The following HMGCL variants were observed in gnomAD, a reference collection of about 807,000 sequenced individuals.
HMGCL encodes hydroxymethylglutaryl-CoA lyase, mitochondrial.
In HMGCL, 26 loss-of-function variants were observed where a neutral mutation model predicts 37.3. The observed-to-expected ratio is 0.70, with a 90% CI of 0.51 to 0.97. HMGCL has a LOEUF of 0.97. HMGCL is among the 50% of genes least tolerant of loss of function. The pLI is 0.00. For missense variants in HMGCL, 379 were observed against 398.1 expected, an observed-to-expected ratio of 0.95 and a Z score of 0.41; for synonymous variants, 151 against 148.0, an observed-to-expected ratio of 1.02 and a Z score of -0.15.
intron 4 of HMGCL, among the ~76,000 whole-genome samples, chr1:23,815,822 G>A (rs951393036): frequency 3.8e-4 from 57 of 151,400 alleles, no homozygotes; most frequent in African/African-American, 1.4e-3. Flanking sequence ...GTAGCACTAG[G>A]AAACAAACAC....
Position 23,802,278 on chromosome 1 carries a change from G to A in HMGCL, c.*185C>T. On this transcript the variant is annotated 3_prime_UTR_variant, in exon 9 of 9. Transcript: ENST00000374490. ...CTCACTCCTCAGGTCTGGGCAGGAG[G>A]TCCTTCTGCCAAGCAGCTCCTCCTG... The A allele has an allele frequency of 1.6e-6, 1 of 630,680 alleles. No individual in the cohort carries two copies. The highest frequency in any genetic ancestry group is 2.5e-5 in the Admixed American group (1 of 39,528). The allele number at this position is 630,680 out of a possible 1,614,324, so 39.1% of individuals were successfully genotyped here. A position where few individuals can be genotyped will look rare whatever the true frequency, so the allele number is the denominator to read the frequency against.
chr1:23,819,875 T>C (rs1638681645), intron 2 of HMGCL, among the ~76,000 whole-genome samples: 1 of 152,196 alleles, frequency 6.6e-6, no homozygotes. Flanking sequence ...TCACATGTAC[T>C]ATTTTATAAA....
intron 1 of HMGCL, among the ~76,000 whole-genome samples, chr1:23,825,109 C>T (rs942525312): frequency 6.6e-5 from 10 of 152,184 alleles, no homozygotes; most frequent in Admixed American, 6.5e-5. Flanking sequence ...AATCAGGGCA[C>T]CTAGGATGGC....
At chr1:23,816,497 C>T (rs1570651727) in intron 4 of HMGCL, 178 bp downstream of exon 4, 20 of 707,370 alleles carry the variant, frequency 2.8e-5, no homozygotes, top group Admixed American at 1.4e-4. Context: ...ATAGGCTTGT[C>T]AACTTGTCAA....
Position 23,808,171 on chromosome 1 carries a change from A to G in HMGCL, c.714T>C (p.Tyr238=). 16 of 1,614,126 alleles carry G rather than the reference A, an allele frequency of 9.9e-6. No individual in the cohort carries two copies. The highest frequency in any genetic ancestry group is 1.4e-5 in the Non-Finnish European group (16 of 1,180,022). Residue 238 remains tyrosine (Y), a synonymous_variant, in exon 7 of 9, where the codon TAT becomes TAC. Coordinates refer to ENST00000374490, the MANE Select transcript of HMGCL (RefSeq NM_000191.3). ...TCAAGGTGTTGGCCAGGGCTTGACC[A>G]TAGGTGTCATGGCAGTGGACAGCCA... ...AALAVHCHDT[Y]GQALANTLMA...
At chr1:23,821,391 C>T (rs535606622) in intron 1 of HMGCL, among the ~76,000 whole-genome samples, 24 of 152,170 alleles carry the variant, frequency 1.6e-4, no homozygotes, top group African/African-American at 5.3e-4. Context: ...CACGGTGGCT[C>T]ATGCCTGTAA....
intron 5 of HMGCL, among the ~76,000 whole-genome samples, chr1:23,811,504 G>A (rs1358807695): frequency 3.3e-5 from 5 of 152,216 alleles, no homozygotes; most frequent in Non-Finnish European, 7.3e-5. Flanking sequence ...GGAACAAGTG[G>A]AGGAGGCCAA....
intron 6 of HMGCL, 27 bp downstream of exon 6, chr1:23,810,709 A>C: frequency 6.2e-7 from 1 of 1,610,726 alleles, no homozygotes. Flanking sequence ...CCCTCACCAA[A>C]CCCCCCGCCC....
At chr1:23,807,185 T>C (rs1403432950) in intron 7 of HMGCL, 3 of 518,902 alleles carry the variant, frequency 5.8e-6, no homozygotes, top group African/African-American at 5.8e-5. Context: ...TTTACCTGCC[T>C]GGCAAGGCAT....
chr1:23,812,721 T>C (rs1238510081), intron 5 of HMGCL, among the ~76,000 whole-genome samples: 1 of 151,958 alleles, frequency 6.6e-6, no homozygotes, highest in Admixed American at 6.6e-5. Context: ...GAGTGTACCA[T>C]GAAGAGGAAG....
In HMGCL at chr1:23,814,175, T is replaced by G; in HGVS notation, c.497+15A>C. ...AACGGTACAGAGGAAAGGATACCAA[T>G]GTGCTCTGACTCACCCCCGCACAGA... On this transcript the variant is annotated intron_variant, in intron 5 of 8. Coordinates refer to ENST00000374490, the MANE Select transcript of HMGCL (RefSeq NM_000191.3). 2 of 1,613,200 alleles carry G rather than the reference T, an allele frequency of 1.2e-6. No homozygotes were observed. The highest frequency in any genetic ancestry group is 2.2e-5 in the South Asian group (2 of 91,038).
intron 1 of HMGCL, among the ~76,000 whole-genome samples, chr1:23,821,748 T>C (rs1638725620): frequency 6.6e-6 from 1 of 152,138 alleles, no homozygotes; most frequent in African/African-American, 2.4e-5. Flanking sequence ...TCTGACCTCC[T>C]GGAATCATCA....
At chr1:23,803,088 G>A (rs1638320597) in intron 8 of HMGCL, among the ~76,000 whole-genome samples, 1 of 152,006 alleles carries the variant, frequency 6.6e-6, no homozygotes, top group Non-Finnish European at 1.5e-5. Context: ...AGGCTGGAGT[G>A]CAATGGCACG....
At chr1:23,816,020 G>A (rs1437920667) in intron 4 of HMGCL, among the ~76,000 whole-genome samples, 2 of 150,872 alleles carry the variant, frequency 1.3e-5, no homozygotes, top group African/African-American at 2.4e-5. Flanking sequence ...CTAGTCTCAA[G>A]CCATCCTGTG....
At chr1:23,816,861 C>A in intron 3 of HMGCL, 91 bp from the exon 4 acceptor site, 1 of 811,502 alleles carries the variant, frequency 1.2e-6, no homozygotes, top group Non-Finnish European at 2.2e-6. Context: ...AACCTCTGTT[C>A]TCCAGAACTC....
At chr1:23,804,865 A>G (rs1430936745) in intron 7 of HMGCL, among the ~76,000 whole-genome samples, 1 of 132,390 alleles carries the variant, frequency 7.6e-6, no homozygotes, top group Admixed American at 7.6e-5. Flanking sequence ...GTTTACTGTG[A>G]TTCATTTATT....
Position 23,814,026 on chromosome 1 carries a change from G to A in HMGCL, c.497+164C>T, listed in dbSNP as rs78368883. 1,548 of 766,756 alleles carry A rather than the reference G, an allele frequency of 2.0e-3. 24 individuals carry two copies. In the African/African-American group the frequency reaches 0.023, roughly 12 times the overall value. The allele number at this position is 766,756 out of a possible 1,614,324, so 47.5% of individuals were successfully genotyped here. Reference sequence around the variant, plus strand: ...CAGGTTTGAGAGAAAGTACTTCCTAGGATTTCTTCTGACCACACTTATTTG... The same window carrying A: ...CAGGTTTGAGAGAAAGTACTTCCTAAGATTTCTTCTGACCACACTTATTTG... On this transcript the variant is annotated intron_variant, in intron 5 of 8. Transcript: ENST00000374490.
intron 5 of HMGCL, among the ~76,000 whole-genome samples, chr1:23,812,311 C>G (rs1402114316): frequency 1.3e-5 from 2 of 152,192 alleles, no homozygotes; most frequent in Non-Finnish European, 2.9e-5. Context: ...ACAAGAAGAC[C>G]TGAAGGATGA....
At position 23,802,241 on chromosome 1, in the gene HMGCL, C is replaced by A; in HGVS notation, c.*222G>T. The stretch of plus-strand genomic sequence containing the variant: ...GGTCCGTAACAAAGGGAGACTTCAG[C>A]CCTCAAAGCCTCTCACTCCTCAGGT... On this transcript the variant is annotated 3_prime_UTR_variant, in exon 9 of 9. Coordinates refer to ENST00000374490, the MANE Select transcript of HMGCL (RefSeq NM_000191.3). 1.7e-6 allele frequency: 1 copy of A among 604,082 alleles called. No individual in the cohort carries two copies. The highest frequency in any genetic ancestry group is 2.7e-5 in the East Asian group (1 of 36,500). 37.4% of individuals were successfully genotyped at this position (604,082 alleles called of 1,614,324 possible).
Sources: gnomAD v4.1 joint callset for allele counts (sites outside exome capture counted in the v4.1 genomes callset) on GRCh38, gnomAD v4.1.1 for gene constraint, MANE v1.5 for transcripts, NCBI Gene and HGNC (gene_info 2026-07-23, HGNC 2026-07-21) for gene names.